Variants in KBTBD2 observed in about 807,000 individuals in gnomAD.
KBTBD2 encodes the protein kelch repeat and BTB domain-containing protein 2.
In KBTBD2, 17 loss-of-function variants were observed where a neutral mutation model predicts 57.1. The observed-to-expected ratio is 0.30, with a 90% CI of 0.20 to 0.45. The LOEUF (loss-of-function observed/expected upper bound fraction) is 0.45. Ranked by LOEUF, KBTBD2 falls within the 20% of genes least tolerant of loss-of-function variation. The pLI, the probability that KBTBD2 is intolerant of heterozygous loss-of-function variation, is 1.00. For missense variants in KBTBD2, 515 were observed against 750.6 expected (o/e 0.69, Z 3.67); for synonymous variants, 267 against 262.7 (o/e 1.02, Z -0.16).
intron 1 of KBTBD2, among the ~76,000 whole-genome samples, chr7:32,887,296 G>A (rs529343364): frequency 6.6e-6 from 1 of 152,314 alleles, no homozygotes; most frequent in Admixed American, 6.5e-5. Flanking sequence ...TTGGACAGGA[G>A]GAATAAGTGT....
chr7:32,876,722 G>A (rs536950228), intron 2 of KBTBD2, among the ~76,000 whole-genome samples: 3 of 152,238 alleles, frequency 2.0e-5, no homozygotes, highest in East Asian at 1.9e-4. Flanking sequence ...TTGGGAGGCC[G>A]AGGTGGGCAG....
intron 1 of KBTBD2, among the ~76,000 whole-genome samples, chr7:32,886,404 A>C (rs750471991): frequency 1.6e-4 from 24 of 152,226 alleles, no homozygotes; most frequent in Non-Finnish European, 2.6e-4. Flanking sequence ...CATTGTTACT[A>C]AATGATTGTC....
Position 32,879,597 on chromosome 7 carries a change from G to A in KBTBD2, c.8C>T (p.Thr3Ile). The A allele has an allele frequency of 6.2e-7, 1 of 1,612,716 alleles. No individual in the cohort carries two copies. Among genetic ancestry groups the A allele is most frequent in the Non-Finnish European group, 8.5e-7 (1 of 1,179,298 alleles). ...AGTATTGATCTGCCTCTCGTCTTGA[G>A]TGGACATGACTGTATTCCATTAATA... is the stretch of plus-strand genomic sequence containing the variant. MSTQDERQINTEY... is the reference protein window; with the variant it reads MSIQDERQINTEY... The change falls in exon 2 of 4, where the codon ACT (threonine) becomes ATT (isoleucine). Residue 3 changes from threonine to isoleucine, a missense_variant. Physicochemically the swap from Thr to Ile is moderately conservative, Grantham distance 89. Coordinates refer to ENST00000304056, the MANE Select transcript of KBTBD2 (RefSeq NM_015483.3).
At chr7:32,871,008 G>T in intron 3 of KBTBD2, 128 bp from the exon 4 acceptor site, 1 of 599,338 alleles carries the variant, frequency 1.7e-6, no homozygotes, top group South Asian at 2.3e-5. Flanking sequence ...ACACACATCT[G>T]GGCTGAGATA....
Position 32,875,125 on chromosome 7 carries a change from T to C in KBTBD2, c.203A>G (p.Lys68Arg), listed in dbSNP as rs1167615343. The change falls in exon 3 of 4, where the codon AAA becomes AGA. Residue 68 changes from lysine to arginine, a missense_variant. By Grantham distance (26) the Lys-to-Arg change is conservative (BLOSUM62 2). Coordinates refer to ENST00000304056, the MANE Select transcript of KBTBD2 (RefSeq NM_015483.3). ...ATTCCTCAGGTGTACATGGGTTTGT[T>C]TGCTTTCACTTAGTCCACTCATAAA... ...AMFMSGLSES[K>R]QTHVHLRNVD... 25 of 1,614,058 alleles carry C rather than the reference T, an allele frequency of 1.5e-5. No individual in the cohort carries two copies. Among genetic ancestry groups the C allele is most frequent in the Non-Finnish European group, 2.1e-5 (25 of 1,180,028 alleles).
intron 1 of KBTBD2, among the ~76,000 whole-genome samples, chr7:32,887,231 GA>G (rs1327336554): frequency 6.6e-6 from 1 of 152,228 alleles, no homozygotes; most frequent in Non-Finnish European, 1.5e-5. Flanking sequence ...AGATGGGAAG[GA>G]GGCTGCTAGC....
chr7:32,872,660 G>T (rs573563991), intron 3 of KBTBD2, among the ~76,000 whole-genome samples: 1 of 152,246 alleles, frequency 6.6e-6, no homozygotes, highest in South Asian at 2.1e-4. Flanking sequence ...GGACAACAGA[G>T]CAAGACCCTG....
chr7:32,877,885 G>A (rs1006001438), intron 2 of KBTBD2, among the ~76,000 whole-genome samples: 11 of 152,096 alleles, frequency 7.2e-5, no homozygotes, highest in African/African-American at 2.4e-4. Flanking sequence ...GAGGCGGGTG[G>A]ATCACTTGAG....
chr7:32,869,748 C>T lies in KBTBD2; in HGVS notation c.1469G>A (p.Gly490Asp), dbSNP rs768191331. 13 of 1,613,898 alleles carry T rather than the reference C, an allele frequency of 8.1e-6. No homozygotes were observed. The highest frequency in any genetic ancestry group is 1.7e-5 in the Admixed American group (1 of 59,984). Residue 490 changes from glycine (G) to aspartate (D), a missense_variant, in exon 4 of 4, where the codon GGC (glycine) becomes GAC (aspartate). Physicochemically the swap from Gly to Asp is moderately conservative, Grantham distance 94 (BLOSUM62 -1). Coordinates refer to ENST00000304056, the MANE Select transcript of KBTBD2 (RefSeq NM_015483.3). ...ATNSGIRLPS[G>D]TVDGSSVTVE... ...AGTTACTGAAGACCCATCTACAGTG[C>T]CAGAGGGGAGTCTTATGCCGGAATT...
chr7:32,869,976 G>C lies in KBTBD2; in HGVS notation c.1241C>G (p.Pro414Arg). ...ACTCCATTGCCAAGCACAAGGTAAAGGGCTTACCATCGTCCACTCATCTTT... is the reference window on the plus strand; with the variant it reads ...ACTCCATTGCCAAGCACAAGGTAAACGGCTTACCATCGTCCACTCATCTTT... ...TEKDEWTMVSPLPCAWQWSAA... is the reference protein window; with the variant it reads ...TEKDEWTMVSRLPCAWQWSAA... Residue 414 changes from proline (P) to arginine (R), a missense_variant, in exon 4 of 4, where the codon CCT becomes CGT. By Grantham distance (103) the Pro-to-Arg change is moderately radical. Transcript: ENST00000304056. 1 of 1,614,046 alleles carries C rather than the reference G, an allele frequency of 6.2e-7. No homozygotes were observed. Among genetic ancestry groups the C allele is most frequent in the Non-Finnish European group, 8.5e-7 (1 of 1,180,026 alleles).
Position 32,870,146 on chromosome 7 carries a change from T to C in KBTBD2, c.1071A>G (p.Gln357=), listed in dbSNP as rs1784138838. Residue 357 remains glutamine (Q), a synonymous_variant, in exon 4 of 4, where the codon CAA becomes CAG. Coordinates refer to ENST00000304056, the MANE Select transcript of KBTBD2 (RefSeq NM_015483.3). ...TTGGGGTCTTTGGAAACCAGGTATTTTGCTGTGCATCAAACCAATAAAAGC... is the reference window on the plus strand; with the variant it reads ...TTGGGGTCTTTGGAAACCAGGTATTCTGCTGTGCATCAAACCAATAAAAGC... ...VNCFYWFDAQ[Q]NTWFPKTPML... is the part of the protein sequence containing the mutation. 1 of 1,614,104 alleles carries C rather than the reference T, an allele frequency of 6.2e-7. No individual in the cohort carries two copies. The highest frequency in any genetic ancestry group is 8.5e-7 in the Non-Finnish European group (1 of 1,180,036).
intron 2 of KBTBD2, among the ~76,000 whole-genome samples, chr7:32,876,218 G>T (rs1297759653): frequency 6.6e-6 from 1 of 152,232 alleles, no homozygotes; most frequent in Admixed American, 6.5e-5. Flanking sequence ...GCTTCTGCAT[G>T]TAGCGGTCAA....
chr7:32,873,337 T>C (rs1784227686), intron 3 of KBTBD2, among the ~76,000 whole-genome samples: 2 of 147,018 alleles, frequency 1.4e-5, no homozygotes, highest in African/African-American at 5.1e-5. Flanking sequence ...CACCAAGTTT[T>C]CTGTGAAAAA....
At chr7:32,885,925 TAA>T (rs1554278251) in intron 1 of KBTBD2, among the ~76,000 whole-genome samples, 12 of 150,968 alleles carry the variant, frequency 7.9e-5, no homozygotes, top group African/African-American at 2.7e-4. Flanking sequence ...TTTTTTTTTT[TAA>T]AGACAGAGTC....
chr7:32,875,737 TAC>T (rs1227394933), intron 2 of KBTBD2, among the ~76,000 whole-genome samples: 2 of 152,218 alleles, frequency 1.3e-5, no homozygotes, highest in African/African-American at 2.4e-5. Context: ...TATTAATATA[TAC>T]TTTAACATAA....
intron 2 of KBTBD2, 83 bp from the exon 3 acceptor site, chr7:32,875,240 G>A: frequency 4.8e-6 from 6 of 1,239,380 alleles, no homozygotes; most frequent in Non-Finnish European, 5.8e-6. Context: ...TAGACAATAA[G>A]AGGTGTTTAT....
chr7:32,885,931 C>CA (rs1784570383), intron 1 of KBTBD2, among the ~76,000 whole-genome samples: 2 of 134,512 alleles, frequency 1.5e-5, no homozygotes, highest in South Asian at 2.3e-4. Context: ...TTTTTAAAGA[C>CA]AGAGTCTCGC....
intron 3 of KBTBD2, among the ~76,000 whole-genome samples, chr7:32,873,540 C>G (rs913545093): frequency 6.6e-6 from 1 of 151,970 alleles, no homozygotes; most frequent in Non-Finnish European, 1.5e-5. Context: ...TCCAGACCGG[C>G]CTGGCCAATG....
chr7:32,887,898 T>C (rs1784620651), intron 1 of KBTBD2, among the ~76,000 whole-genome samples: 2 of 151,944 alleles, frequency 1.3e-5, no homozygotes, highest in Non-Finnish European at 2.9e-5. Flanking sequence ...TGAATTGTTC[T>C]AGGATTACAT....
Sources: allele counts gnomAD v4.1 joint callset (sites outside exome capture counted in the v4.1 genomes callset), GRCh38; gene constraint gnomAD v4.1.1; transcripts MANE v1.5; gene names NCBI Gene and HGNC (gene_info 2026-07-23, HGNC 2026-07-21).